The following NAA11 variants were observed in gnomAD, a reference collection of about 807,000 sequenced individuals.
NAA11 encodes the protein N-alpha-acetyltransferase 11, NatA catalytic subunit.
NAA11 carries 15 observed loss-of-function variants against 16.1 expected under a neutral mutation model. The ratio of observed to expected loss-of-function variants is 0.93; its 90% CI spans 0.62 to 1.44. NAA11 has a LOEUF of 1.44. Among genes scored for constraint, NAA11 ranks in the 40% most tolerant of loss-of-function variants. NAA11 has a pLI of 0.00. For missense variants in NAA11, 298 were observed against 291.3 expected, an observed-to-expected ratio of 1.02 and a Z score of -0.17; for synonymous variants, 122 against 112.4, an observed-to-expected ratio of 1.09 and a Z score of -0.54.
chr4:79,171,626 A>G, the NAA11 span, among the ~76,000 whole-genome samples: 2 of 152,214 alleles, frequency 1.3e-5, no homozygotes, highest in Admixed American at 6.5e-5. Context: ...TGGATTTATA[A>G]TGAAGCCAGG....
chr4:79,188,279 A>G, the NAA11 span, among the ~76,000 whole-genome samples: 2 of 152,078 alleles, frequency 1.3e-5, no homozygotes, highest in Non-Finnish European at 1.5e-5. Flanking sequence ...AGAGCGTTAA[A>G]ATAAAAACAT....
intron 1 of NAA11, among the ~76,000 whole-genome samples, chr4:79,303,997 C>G (rs994897497): frequency 6.6e-6 from 1 of 151,682 alleles, no homozygotes; most frequent in African/African-American, 2.4e-5. Flanking sequence ...GTTATTTTTC[C>G]TCTGCTCTAT....
the NAA11 span, among the ~76,000 whole-genome samples, chr4:79,218,155 T>G: frequency 6.6e-6 from 1 of 152,244 alleles, no homozygotes; most frequent in South Asian, 2.1e-4. Context: ...GGTCAAACAG[T>G]TACTTTCATG....
the NAA11 span, among the ~76,000 whole-genome samples, chr4:79,209,793 C>T: frequency 3.9e-5 from 6 of 151,952 alleles, no homozygotes; most frequent in South Asian, 1.2e-3. Context: ...CATGTATAAT[C>T]CCAATACTTT....
chr4:79,163,892 A>G, the NAA11 span, among the ~76,000 whole-genome samples: 2 of 152,182 alleles, frequency 1.3e-5, no homozygotes, highest in East Asian at 1.9e-4. Context: ...GCTATAATCT[A>G]TTGATCATTT....
At chr4:79,164,760 C>T in the NAA11 span, among the ~76,000 whole-genome samples, 2 of 152,136 alleles carry the variant, frequency 1.3e-5, no homozygotes, top group East Asian at 1.9e-4. Context: ...ACAGAGTTAA[C>T]AAAGAAGCTG....
intron 2 of NAA11, among the ~76,000 whole-genome samples, chr4:79,236,302 T>C (rs991079517): frequency 2.0e-5 from 3 of 152,082 alleles, no homozygotes; most frequent in Non-Finnish European, 4.4e-5. Context: ...ATCTTTTTGT[T>C]TTTTTAAGTG....
At chr4:79,316,599 G>A (rs1280979589), downstream of NAA11, 1 of 152,096 alleles carries the variant, frequency 6.6e-6, no homozygotes, top group African/African-American at 2.4e-5. Context: ...TATATACTTT[G>A]GTAATTCACA....
the NAA11 span, among the ~76,000 whole-genome samples, chr4:79,186,201 T>C: frequency 1.6e-3 from 238 of 152,294 alleles, no homozygotes; most frequent in African/African-American, 5.3e-3. Context: ...CCGAATATAC[T>C]GAAATTTCTT....
chr4:79,237,788 G>A (rs1295370365), intron 2 of NAA11, among the ~76,000 whole-genome samples: 1 of 152,120 alleles, frequency 6.6e-6, no homozygotes, highest in Non-Finnish European at 1.5e-5. Context: ...CAAGCTACAT[G>A]TGGGTCATAT....
intron 1 of NAA11, among the ~76,000 whole-genome samples, chr4:79,310,165 G>A (rs1723727162): frequency 6.6e-6 from 1 of 152,048 alleles, no homozygotes; most frequent in African/African-American, 2.4e-5. Context: ...ATTAGAGAAT[G>A]GAGAAAAAAC....
intron 2 of NAA11, among the ~76,000 whole-genome samples, chr4:79,262,575 G>A (rs1390272975): frequency 6.6e-6 from 1 of 152,092 alleles, no homozygotes; most frequent in East Asian, 1.9e-4. Context: ...TCTAACTTTT[G>A]CAAGTATTCT....
intron 2 of NAA11, chr4:79,227,092 T>C (rs964166899): frequency 2.0e-5 from 3 of 152,144 alleles, no homozygotes; most frequent in Non-Finnish European, 4.4e-5. Context: ...CAGCACCTGT[T>C]GTTTCCTGAC....
chr4:79,318,468 A>G (rs1394390157), intron 1 of NAA11, among the ~76,000 whole-genome samples: 1 of 152,182 alleles, frequency 6.6e-6, no homozygotes, highest in Non-Finnish European at 1.5e-5. Flanking sequence ...CATTCATTCA[A>G]TAAATATTTA....
At chr4:79,220,437 C>CTGTGTG in the NAA11 span, among the ~76,000 whole-genome samples, 294 of 143,050 alleles carry the variant, frequency 2.1e-3, 1 homozygote, top group African/African-American at 7.0e-3. Context: ...GTGTGTGTGT[C>CTGTGTG]TGTGTGTGTG....
At chr4:79,260,342 T>C (rs1345462712) in intron 2 of NAA11, among the ~76,000 whole-genome samples, 1 of 152,222 alleles carries the variant, frequency 6.6e-6, no homozygotes, top group African/African-American at 2.4e-5. Context: ...GTGAGGATCT[T>C]GGAAGGTGGA....
intron 1 of NAA11, among the ~76,000 whole-genome samples, chr4:79,318,074 C>T (rs1036602066): frequency 2.6e-5 from 4 of 152,106 alleles, no homozygotes; most frequent in Non-Finnish European, 5.9e-5. Context: ...ACAGGAAGAA[C>T]ACCAAAAAAC....
the NAA11 span, among the ~76,000 whole-genome samples, chr4:79,156,855 C>A: frequency 6.6e-6 from 1 of 152,136 alleles, no homozygotes; most frequent in Non-Finnish European, 1.5e-5. Context: ...CTGCCACAGA[C>A]TACTGATTTT....
chr4:79,264,857 A>G (rs959815930), intron 2 of NAA11, among the ~76,000 whole-genome samples: 6 of 152,114 alleles, frequency 3.9e-5, no homozygotes, highest in African/African-American at 1.4e-4. Context: ...TTTGATGACT[A>G]TCTCTATTCT....
Sources: gnomAD v4.1 joint callset for allele counts (sites outside exome capture counted in the v4.1 genomes callset) on GRCh38, gnomAD v4.1.1 for gene constraint, MANE v1.5 for transcripts, NCBI Gene and HGNC (gene_info 2026-07-23, HGNC 2026-07-21) for gene names.